The following SPATA13 variants were observed in gnomAD, a reference collection of about 807,000 sequenced individuals.
SPATA13 encodes spermatogenesis-associated protein 13.
SPATA13 carries 50 observed loss-of-function variants against 104.0 expected under a neutral mutation model. That is an observed-to-expected ratio of 0.48 (90% confidence interval 0.38 to 0.61). The LOEUF is 0.61. Ranked by LOEUF, SPATA13 falls within the 20% of genes least tolerant of loss-of-function variation. SPATA13 has a pLI of 0.00. For missense variants in SPATA13, 1,524 were observed against 1,690.6 expected (o/e 0.90, Z 1.73); for synonymous variants, 606 against 667.5 (o/e 0.91, Z 1.42).
intron 1 of SPATA13, among the ~76,000 whole-genome samples, chr13:24,195,555 C>T (rs1335887233): frequency 2.6e-5 from 4 of 152,158 alleles, no homozygotes. Flanking sequence ...CCCCATTTTA[C>T]AGCCCACCAG....
chr13:24,052,970 T>A (rs1878413208), intron 3 of SPATA13, among the ~76,000 whole-genome samples: 1 of 151,168 alleles, frequency 6.6e-6, no homozygotes, highest in Non-Finnish European at 1.5e-5. Context: ...TTCCTTTCTC[T>A]ACCTTGCATA....
Position 24,297,562 on chromosome 13 carries a change from TG to T in SPATA13, c.3415del (p.Asp1139MetfsTer11). On this transcript the variant is annotated frameshift_variant, in exon 11 of 13. Transcript: ENST00000382108. LOFTEE classifies it high-confidence loss of function. ...LDMDEMELVD[L>X]GDGRDKDCNL... ...ATGGATGAGATGGAGCTTGTGGACC[TG>T]GGGGATGGGCGCGACAAGGACTGCA... The T allele has an allele frequency of 6.2e-7, 1 of 1,614,188 alleles. No homozygotes were observed. The highest frequency in any genetic ancestry group is 8.5e-7 in the Non-Finnish European group (1 of 1,180,034).
rs896061414 is a variant in SPATA13, at chr13:24,138,175, C to T, written c.-111-84644C>T. The stretch of plus-strand genomic sequence containing the variant: ...TACAAAAATTAGCTGGGCGTGGTGA[C>T]GTGTGCCTGTAATCCCAGCTACTCG... On this transcript the variant is annotated intron_variant, in intron 3 of 14. Coordinates refer to the SPATA13 transcript ENST00000424834. Among the ~76,000 whole-genome samples the T allele has an allele frequency of 5.3e-5, 8 of 151,794 alleles. No individual in the cohort carries two copies. In the East Asian group the frequency reaches 1.2e-3, roughly 22 times the overall value.
chr13:24,297,842 A>G, intron 11 of SPATA13, 107 bp downstream of exon 11: 1 of 1,345,316 alleles, frequency 7.4e-7, no homozygotes, highest in Non-Finnish European at 1.0e-6. Context: ...TCAGAGCTGA[A>G]TCCCACCATG....
intron 4 of SPATA13, among the ~76,000 whole-genome samples, chr13:24,283,063 G>T (rs1875666951): frequency 6.6e-6 from 1 of 152,190 alleles, no homozygotes; most frequent in African/African-American, 2.4e-5. Context: ...CATGAGATGT[G>T]CAGGGAGTCT....
chr13:24,070,258 G>T (rs1441429316), intron 3 of SPATA13, among the ~76,000 whole-genome samples: 1 of 152,102 alleles, frequency 6.6e-6, no homozygotes, highest in Non-Finnish European at 1.5e-5. Flanking sequence ...GGTCTGCTTG[G>T]GCAACAGAAA....
chr13:24,189,944 C>T (rs1304844729), intron 1 of SPATA13, among the ~76,000 whole-genome samples: 10 of 29,018 alleles, frequency 3.4e-4, no homozygotes, highest in African/African-American at 9.2e-4. Flanking sequence ...TAATATATTA[C>T]ATAATATATT....
At chr13:24,265,357 T>A (rs1306847449) in intron 4 of SPATA13, among the ~76,000 whole-genome samples, 1 of 152,232 alleles carries the variant, frequency 6.6e-6, no homozygotes, top group Non-Finnish European at 1.5e-5. Context: ...GTAGCATCAC[T>A]GTGACCTGTA....
chr13:24,103,504 A>AAAAAAAAAAAAAG lies in SPATA13; in HGVS notation c.-112+85804_-112+85805insAAAAAAAAAAAGA, dbSNP rs1458068316. Among the ~76,000 whole-genome samples, 13 of 115,610 alleles carry AAAAAAAAAAAAAG rather than the reference A, an allele frequency of 1.1e-4. 1 individual carries two copies. The highest frequency in any genetic ancestry group is 2.3e-4 in the East Asian group (1 of 4,410). 75.8% of individuals were successfully genotyped at this position (115,610 alleles called of 152,430 possible). On this transcript the variant is annotated intron_variant, in intron 3 of 14. Transcript: ENST00000424834. Reference sequence around the variant, plus strand: ...TGTCTCAAAAAAAAAAAAAAAAAACAAGAAAGAAAAGAGCAGGGGAGGAGA... The same window carrying AAAAAAAAAAAAAG: ...TGTCTCAAAAAAAAAAAAAAAAAACAAAAAAAAAAAAAGAGAAAGAAAAGAGCAGGGGAGGAGA...
intron 3 of SPATA13, among the ~76,000 whole-genome samples, chr13:24,064,996 G>GA (rs61198710): frequency 6.6e-6 from 1 of 151,832 alleles, no homozygotes; most frequent in Non-Finnish European, 1.5e-5. Context: ...GGCCACAGGA[G>GA]CCAGGATAAT....
At chr13:23,990,408 T>A (rs2137658241) in intron 2 of SPATA13, among the ~76,000 whole-genome samples, 1 of 152,186 alleles carries the variant, frequency 6.6e-6, no homozygotes, top group South Asian at 2.1e-4. Flanking sequence ...GCCCCCTCCT[T>A]CCTACACTCC....
intron 7 of SPATA13, among the ~76,000 whole-genome samples, chr13:24,287,554 C>T (rs146696212): frequency 6.8e-4 from 104 of 152,330 alleles, no homozygotes; most frequent in African/African-American, 2.4e-3. Flanking sequence ...GCAACACCCT[C>T]ACTTGATTTT....
intron 2 of SPATA13, among the ~76,000 whole-genome samples, chr13:23,986,286 T>C (rs537949936): frequency 1.2e-3 from 177 of 152,214 alleles, no homozygotes; most frequent in African/African-American, 4.0e-3. Flanking sequence ...ATCTTGAAAA[T>C]TGGGGCATCT....
At chr13:24,028,351 G>T (rs1593286625) in intron 3 of SPATA13, among the ~76,000 whole-genome samples, 1 of 152,194 alleles carries the variant, frequency 6.6e-6, no homozygotes, top group East Asian at 1.9e-4. Context: ...CAGTTCATGT[G>T]CAGGTGTCTA....
chr13:24,140,335 G>C lies in SPATA13; in HGVS notation c.-111-82484G>C, dbSNP rs76512181. ...GCATGCTGAGATGCTCAGGAAATCAGTTCATAGTTTGTTGCCCCAGCAGAC... is the reference window on the plus strand; with the variant it reads ...GCATGCTGAGATGCTCAGGAAATCACTTCATAGTTTGTTGCCCCAGCAGAC... On this transcript the variant is annotated intron_variant, in intron 3 of 14. Coordinates refer to the SPATA13 transcript ENST00000424834. Among the ~76,000 whole-genome samples the C allele has an allele frequency of 3.6e-3, 545 of 152,324 alleles. 4 individuals carry two copies. Among genetic ancestry groups the C allele is most frequent in the African/African-American group, 0.012 (484 of 41,564 alleles).
At chr13:24,245,401 T>G (rs1378578248) in intron 2 of SPATA13, among the ~76,000 whole-genome samples, 2 of 152,064 alleles carry the variant, frequency 1.3e-5, no homozygotes, top group Non-Finnish European at 2.9e-5. Context: ...AATCTGAGAG[T>G]TTTCCTCTAT....
intron 4 of SPATA13, among the ~76,000 whole-genome samples, chr13:24,267,645 A>G (rs1327539880): frequency 6.6e-6 from 1 of 152,230 alleles, no homozygotes; most frequent in Admixed American, 6.5e-5. Context: ...AAATGAAAAC[A>G]CTGGATTTTA....
Position 24,294,806 on chromosome 13 carries a change from A to G in SPATA13, c.3148A>G (p.Lys1050Glu), listed in dbSNP as rs1876639429. The G allele has an allele frequency of 6.2e-7, 1 of 1,611,616 alleles. No individual in the cohort carries two copies. Among genetic ancestry groups the G allele is most frequent in the Admixed American group, 1.7e-5 (1 of 59,988 alleles). The change falls in exon 10 of 13, where the codon AAG (lysine) becomes GAG (glutamate). Residue 1050 changes from lysine to glutamate, a missense_variant. By Grantham distance (56) the Lys-to-Glu change is moderately conservative (BLOSUM62 1). Transcript: ENST00000382108. ...KNVACLINER[K>E]RKLESIDKIA... ...TGTGGCCTGTCTGATCAACGAGCGC[A>G]AGCGCAAGCTGGAGAGCATCGACAA...
At chr13:24,179,816 G>A (rs1270791210) in intron 1 of SPATA13, among the ~76,000 whole-genome samples, 2 of 152,172 alleles carry the variant, frequency 1.3e-5, no homozygotes, top group Non-Finnish European at 2.9e-5. Flanking sequence ...TATCTTCAAA[G>A]AAATGCCTCT....
Sources: allele counts gnomAD v4.1 joint callset (sites outside exome capture counted in the v4.1 genomes callset), GRCh38; gene constraint gnomAD v4.1.1; transcripts MANE v1.5; gene names NCBI Gene and HGNC (gene_info 2026-07-23, HGNC 2026-07-21).